DPYD: variants seen among roughly 807,000 people sequenced by gnomAD.
DPYD encodes dihydropyrimidine dehydrogenase.
DPYD carries 109 observed loss-of-function variants against 116.2 expected under a neutral mutation model. The observed-to-expected ratio is 0.94, with a 90% CI of 0.80 to 1.10. The LOEUF (loss-of-function observed/expected upper bound fraction) is 1.10. DPYD is among the 50% of genes least tolerant of loss of function. The pLI, the probability that DPYD is intolerant of heterozygous loss-of-function variation, is 0.00. For missense variants in DPYD, 1,302 were observed against 1,254.5 expected (o/e 1.04, Z -0.57); for synonymous variants, 440 against 432.0 (o/e 1.02, Z -0.23).
intron 2 of DPYD, among the ~76,000 whole-genome samples, chr1:97,882,918 C>G (rs1672300560): frequency 6.6e-6 from 1 of 151,932 alleles, no homozygotes. Flanking sequence ...AATTTTAAAA[C>G]AAATTTTAAA....
chr1:97,291,742 A>G (rs1287276744), intron 18 of DPYD, among the ~76,000 whole-genome samples: 2 of 152,070 alleles, frequency 1.3e-5, no homozygotes, highest in Non-Finnish European at 2.9e-5. Flanking sequence ...ATGCTAAATG[A>G]TGAGTTAATG....
At chr1:97,655,588 T>C (rs1197979903) in intron 8 of DPYD, among the ~76,000 whole-genome samples, 1 of 152,204 alleles carries the variant, frequency 6.6e-6, no homozygotes, top group African/African-American at 2.4e-5. Context: ...AAAATTCAGC[T>C]TGGACAAGGA....
intron 4 of DPYD, among the ~76,000 whole-genome samples, chr1:97,723,095 T>G (rs192364675): frequency 2.8e-5 from 4 of 145,102 alleles, no homozygotes; most frequent in African/African-American, 9.8e-5. Context: ...CAAACTGATA[T>G]TTTAGAAGTA....
rs954357827 is a variant in DPYD, at chr1:97,545,911, G to A, written c.1524+3649C>T. On this transcript the variant is annotated intron_variant, in intron 12 of 22. Coordinates refer to ENST00000370192, the MANE Select transcript of DPYD (RefSeq NM_000110.4). ...GAAGTATAAAATTTAAACTATCCAG[G>A]ATTTGGTGAGTTTAAAGAATCAGAT... 7 of 1,073,190 alleles carry A rather than the reference G, an allele frequency of 6.5e-6. No homozygotes were observed. In the African/African-American group the frequency reaches 7.8e-5, roughly 12 times the overall value. The allele number at this position is 1,073,190 out of a possible 1,614,324, so 66.5% of individuals were successfully genotyped here. A position where few individuals can be genotyped will look rare whatever the true frequency, so the allele number is the denominator to read the frequency against.
chr1:97,596,958 G>A (rs911614157), intron 8 of DPYD, among the ~76,000 whole-genome samples: 2 of 152,080 alleles, frequency 1.3e-5, no homozygotes, highest in Non-Finnish European at 2.9e-5. Context: ...AAGGAAATGG[G>A]GATAAGACTG....
intron 12 of DPYD, among the ~76,000 whole-genome samples, chr1:97,520,252 C>T (rs1461228823): frequency 6.6e-6 from 1 of 152,092 alleles, no homozygotes; most frequent in African/African-American, 2.4e-5. Context: ...AATCTACCAC[C>T]TACCACCAAA....
At chr1:97,228,422 T>C (rs1206382415) in intron 19 of DPYD, among the ~76,000 whole-genome samples, 1 of 152,174 alleles carries the variant, frequency 6.6e-6, no homozygotes, top group Non-Finnish European at 1.5e-5. Context: ...ATTACTAATT[T>C]GAGTGTAAAT....
chr1:97,423,363 T>C (rs1460648220), intron 14 of DPYD, among the ~76,000 whole-genome samples: 2 of 152,028 alleles, frequency 1.3e-5, no homozygotes, highest in Non-Finnish European at 2.9e-5. Flanking sequence ...AAGAGGGGTG[T>C]GATTATGGCT....
intron 2 of DPYD, among the ~76,000 whole-genome samples, chr1:97,830,972 GCTAA>G (rs1669514467): frequency 6.6e-6 from 1 of 152,088 alleles, no homozygotes; most frequent in South Asian, 2.1e-4. Flanking sequence ...TGAGTATTAG[GCTAA>G]CTAACAGAAG....
chr1:97,493,006 A>T (rs1460622361), intron 13 of DPYD, among the ~76,000 whole-genome samples: 1 of 152,168 alleles, frequency 6.6e-6, no homozygotes, highest in Non-Finnish European at 1.5e-5. Flanking sequence ...GCATGAATGA[A>T]ACGTTGGATT....
At chr1:97,249,089 G>T (rs866394342) in intron 18 of DPYD, among the ~76,000 whole-genome samples, 4 of 152,124 alleles carry the variant, frequency 2.6e-5, no homozygotes, top group African/African-American at 4.8e-5. Context: ...TGAAGAAACT[G>T]ATAAGCTGAT....
At chr1:97,194,096 T>C (rs979972953) in intron 19 of DPYD, among the ~76,000 whole-genome samples, 2 of 152,176 alleles carry the variant, frequency 1.3e-5, no homozygotes, top group Non-Finnish European at 2.9e-5. Context: ...CTGCAGTGAC[T>C]AGGACACTGT....
intron 16 of DPYD, among the ~76,000 whole-genome samples, chr1:97,340,096 G>C (rs1399732489): frequency 6.6e-6 from 1 of 150,560 alleles, no homozygotes; most frequent in Non-Finnish European, 1.5e-5. Context: ...TTTTAAAAAA[G>C]GAAAAACACC....
intron 20 of DPYD, among the ~76,000 whole-genome samples, chr1:97,171,537 G>A (rs1189359810): frequency 6.6e-6 from 1 of 152,124 alleles, no homozygotes; most frequent in African/African-American, 2.4e-5. Flanking sequence ...CACAGACCAG[G>A]ACCAGAATGC....
At chr1:97,698,171 A>G (rs1042069501) in intron 6 of DPYD, among the ~76,000 whole-genome samples, 3 of 151,888 alleles carry the variant, frequency 2.0e-5, no homozygotes, top group Non-Finnish European at 4.4e-5. Context: ...ACAGAAGAAT[A>G]ATTATTTCTT....
chr1:97,249,250 G>A (rs564082039), intron 18 of DPYD, among the ~76,000 whole-genome samples: 1 of 151,768 alleles, frequency 6.6e-6, no homozygotes, highest in Non-Finnish European at 1.5e-5. Context: ...ATAAGTGAAA[G>A]AGAACGGAGT....
chr1:97,836,775 T>C (rs1339807006), intron 2 of DPYD, among the ~76,000 whole-genome samples: 1 of 151,846 alleles, frequency 6.6e-6, no homozygotes, highest in East Asian at 1.9e-4. Context: ...CAAAGAAAAA[T>C]ATGCAAGCCA....
intron 5 of DPYD, among the ~76,000 whole-genome samples, chr1:97,711,874 T>C (rs1409154802): frequency 6.6e-6 from 1 of 152,036 alleles, no homozygotes; most frequent in Non-Finnish European, 1.5e-5. Flanking sequence ...TTTAATTATA[T>C]TCACAACCAT....
chr1:97,619,727 A>T (rs1251401498), intron 8 of DPYD, among the ~76,000 whole-genome samples: 1 of 152,154 alleles, frequency 6.6e-6, no homozygotes, highest in Non-Finnish European at 1.5e-5. Flanking sequence ...TTTTACCATT[A>T]CACAAACTAT....
Sources: gnomAD v4.1 joint callset for allele counts (sites outside exome capture counted in the v4.1 genomes callset) on GRCh38, gnomAD v4.1.1 for gene constraint, MANE v1.5 for transcripts, NCBI Gene and HGNC (gene_info 2026-07-23, HGNC 2026-07-21) for gene names.